Variants in GYS2 observed in about 807,000 individuals in gnomAD.
GYS2 encodes the protein glycogen [starch] synthase, liver.
GYS2 carries 80 observed loss-of-function variants against 85.6 expected under a neutral mutation model. The ratio of observed to expected loss-of-function variants is 0.93; its 90% confidence interval spans 0.78 to 1.13. The LOEUF is 1.13. Among genes scored for constraint, GYS2 ranks in the 50% most tolerant of loss-of-function variants. The pLI, the probability that GYS2 is intolerant of heterozygous loss-of-function variation, is 0.00. For missense variants in GYS2, 881 were observed against 854.9 expected (o/e 1.03, Z -0.38); for synonymous variants, 328 against 300.7 (o/e 1.09, Z -0.94).
At position 21,537,012 on chromosome 12, in the gene GYS2, A is replaced by C; in HGVS notation, c.2054T>G (p.Phe685Cys). The C allele has an allele frequency of 6.2e-7, 1 of 1,614,028 alleles. No individual in the cohort carries two copies. Among genetic ancestry groups the C allele is most frequent in the Non-Finnish European group, 8.5e-7 (1 of 1,179,954 alleles). ...CCCATGAGGAACGTGGCTCAGTGAAAATGGTGACTTGATATTTAACCGATC... is the reference window on the plus strand; with the variant it reads ...CCCATGAGGAACGTGGCTCAGTGAACATGGTGACTTGATATTTAACCGATC... ...ERDRLNIKSPFSLSHVPHGKK... is the reference protein window; with the variant it reads ...ERDRLNIKSPCSLSHVPHGKK... Residue 685 changes from phenylalanine (F) to cysteine (C), a missense_variant, in exon 16 of 16, where the codon TTT becomes TGT. Phe to Cys is a radical substitution (Grantham distance 205). Coordinates refer to ENST00000261195, the MANE Select transcript of GYS2 (RefSeq NM_021957.4).
intron 4 of GYS2, among the ~76,000 whole-genome samples, chr12:21,571,284 C>G (rs775534925): frequency 2.1e-4 from 32 of 152,106 alleles, no homozygotes; most frequent in Non-Finnish European, 2.4e-4. Context: ...AAACCTTATC[C>G]GTTTACACAT....
chr12:21,597,865 T>C (rs908632602), intron 1 of GYS2, among the ~76,000 whole-genome samples: 3 of 152,112 alleles, frequency 2.0e-5, no homozygotes, highest in Admixed American at 6.6e-5. Context: ...TATTCAACCA[T>C]ACAAATATAA....
chr12:21,540,660 C>T, intron 13 of GYS2, 87 bp from the exon 14 acceptor site: 1 of 1,199,426 alleles, frequency 8.3e-7, no homozygotes. Flanking sequence ...TCTTTGGTTC[C>T]ATCAAAAACC....
chr12:21,538,623 C>T (rs1241869016), intron 15 of GYS2, among the ~76,000 whole-genome samples: 1 of 152,044 alleles, frequency 6.6e-6, no homozygotes, highest in African/African-American at 2.4e-5. Flanking sequence ...AGTGTGTAGG[C>T]GGCCAAAGAT....
chr12:21,549,300 G>A (rs549242104), intron 11 of GYS2, among the ~76,000 whole-genome samples: 1 of 152,230 alleles, frequency 6.6e-6, no homozygotes, highest in Admixed American at 6.5e-5. Context: ...TAAAAGTACT[G>A]GGAATCCCAC....
chr12:21,580,513 G>C lies in GYS2; in HGVS notation c.132C>G (p.Ile44Met). 1 of 1,612,472 alleles carries C rather than the reference G, an allele frequency of 6.2e-7. No homozygotes were observed. ...TGGCCTTTGTCTGAATCACAGTATA[G>C]ATGCCTCCAACTGTTAAAAGGAAAA... ...AWEVTNKVGG[I>M]YTVIQTKAKT... Residue 44 changes from isoleucine to methionine, a missense_variant, in exon 2 of 16, where the codon ATC (isoleucine) becomes ATG (methionine). Coordinates refer to ENST00000261195, the MANE Select transcript of GYS2 (RefSeq NM_021957.4).
chr12:21,556,754 G>A (rs2136869265), intron 11 of GYS2, among the ~76,000 whole-genome samples: 1 of 152,102 alleles, frequency 6.6e-6, no homozygotes, highest in South Asian at 2.1e-4. Flanking sequence ...TATTATTCTT[G>A]AATTTTCCCT....
intron 1 of GYS2, among the ~76,000 whole-genome samples, chr12:21,585,096 G>A (rs1466771650): frequency 2.0e-5 from 3 of 152,012 alleles, no homozygotes; most frequent in Non-Finnish European, 2.9e-5. Flanking sequence ...CAGGATTCAC[G>A]GGTCCAGGAA....
Position 21,546,434 on chromosome 12 carries a change from G to C in GYS2, c.1459C>G (p.Pro487Ala). ...LHPEFLSSTS[P>A]LLPMDYEEFV... The stretch of plus-strand genomic sequence containing the variant: ...TCTTCATAGTCCATGGGTAGTAAGG[G>C]ACTGGTGGAGGATAGAAACTCTGGG... The change falls in exon 12 of 16, where the codon CCC (proline) becomes GCC (alanine). Residue 487 changes from proline (P) to alanine (A), a missense_variant. Pro to Ala is a conservative substitution (Grantham distance 27, BLOSUM62 -1). Coordinates refer to ENST00000261195, the MANE Select transcript of GYS2 (RefSeq NM_021957.4). The C allele has an allele frequency of 6.3e-7, 1 of 1,597,426 alleles. No individual in the cohort carries two copies. Among genetic ancestry groups the C allele is most frequent in the African/African-American group, 1.3e-5 (1 of 74,626 alleles).
chr12:21,544,854 AG>A (rs1208237442), intron 12 of GYS2, among the ~76,000 whole-genome samples: 16 of 152,248 alleles, frequency 1.1e-4, no homozygotes, highest in African/African-American at 3.1e-4. Context: ...TGGTGAAGCT[AG>A]AACAATAGAA....
chr12:21,589,947 T>A (rs1374808086), intron 1 of GYS2, among the ~76,000 whole-genome samples: 2 of 151,864 alleles, frequency 1.3e-5, no homozygotes, highest in East Asian at 1.9e-4. Context: ...TCTGCTGACA[T>A]CCCCCACCCA....
At chr12:21,592,811 T>C (rs1003117774) in intron 1 of GYS2, among the ~76,000 whole-genome samples, 1 of 152,130 alleles carries the variant, frequency 6.6e-6, no homozygotes, top group African/African-American at 2.4e-5. Flanking sequence ...CAATATTTCA[T>C]CCAACAGCTA....
chr12:21,592,094 C>T (rs996629111), intron 1 of GYS2, among the ~76,000 whole-genome samples: 2 of 149,382 alleles, frequency 1.3e-5, no homozygotes, highest in Non-Finnish European at 3.0e-5. Context: ...AGAAAGAACT[C>T]AAACGTTACC....
At chr12:21,580,909 A>G (rs766940595) in intron 1 of GYS2, among the ~76,000 whole-genome samples, 7 of 152,236 alleles carry the variant, frequency 4.6e-5, no homozygotes, top group Non-Finnish European at 7.3e-5. Flanking sequence ...TGCCCTCAGC[A>G]GCAGAAATCA....
At chr12:21,534,182 A>G (rs1423094087), downstream of GYS2, among the ~76,000 whole-genome samples, 1 of 152,160 alleles carries the variant, frequency 6.6e-6, no homozygotes, top group Non-Finnish European at 1.5e-5. Context: ...CTTACCATGG[A>G]TTTATATTCT....
intron 1 of GYS2, among the ~76,000 whole-genome samples, chr12:21,590,303 C>T (rs1341769709): frequency 6.6e-6 from 1 of 152,174 alleles, no homozygotes; most frequent in Non-Finnish European, 1.5e-5. Context: ...TCAGGAACAC[C>T]CAGCCTGGCT....
rs1943916086 is a variant in GYS2 at position 21,536,891 on chromosome 12, A to G, written c.*63T>C. The G allele has an allele frequency of 8.7e-7, 1 of 1,146,566 alleles. No individual in the cohort carries two copies. Among genetic ancestry groups the G allele is most frequent in the Non-Finnish European group, 1.3e-6 (1 of 760,076 alleles). 71.0% of individuals were successfully genotyped at this position (1,146,566 alleles called of 1,614,324 possible). On this transcript the variant is annotated 3_prime_UTR_variant, in exon 16 of 16. Coordinates refer to ENST00000261195, the MANE Select transcript of GYS2 (RefSeq NM_021957.4). ...AGAAAATGAAATTTGTGGCATTTTTATTTTAAATAATTAGTCTTACTTTGC... is the reference window on the plus strand; with the variant it reads ...AGAAAATGAAATTTGTGGCATTTTTGTTTTAAATAATTAGTCTTACTTTGC...
At chr12:21,562,614 A>G (rs563677617) in intron 7 of GYS2, among the ~76,000 whole-genome samples, 1 of 130,318 alleles carries the variant, frequency 7.7e-6, no homozygotes, top group East Asian at 2.4e-4. Flanking sequence ...GGGAAAAGGG[A>G]TGTTATAATG....
chr12:21,580,625 T>A (rs1368996126), intron 1 of GYS2, 102 bp from the exon 2 acceptor site: 4 of 867,530 alleles, frequency 4.6e-6, no homozygotes, highest in Non-Finnish European at 7.8e-6. Flanking sequence ...GCATTTAGGA[T>A]CCACTAAGCC....
Sources: gnomAD v4.1 joint callset for allele counts (sites outside exome capture counted in the v4.1 genomes callset) on GRCh38, gnomAD v4.1.1 for gene constraint, MANE v1.5 for transcripts, NCBI Gene and HGNC (gene_info 2026-07-23, HGNC 2026-07-21) for gene names.